SLC24A3: variants seen among roughly 807,000 people sequenced by gnomAD.
The protein encoded by SLC24A3 is sodium/potassium/calcium exchanger 3.
Under a neutral mutation model 75.8 loss-of-function variants are expected in SLC24A3, and 28 were observed. The ratio of observed to expected loss-of-function variants is 0.37; its 90% CI spans 0.27 to 0.51. SLC24A3 has a LOEUF of 0.51. Among genes scored for constraint, SLC24A3 ranks in the 20% least tolerant of loss-of-function variants. SLC24A3 has a pLI of 0.94. For synonymous variants in SLC24A3, 372 were observed against 334.1 expected (o/e 1.11, Z -1.24); for missense variants, 663 against 847.8 (o/e 0.78, Z 2.71).
At chr20:19,285,485 A>T (rs1983790634) in intron 2 of SLC24A3, among the ~76,000 whole-genome samples, 1 of 148,190 alleles carries the variant, frequency 6.7e-6, no homozygotes, top group African/African-American at 2.5e-5. Flanking sequence ...CTCAAAAAAA[A>T]AAAAAAAAAA....
At chr20:19,600,996 T>C (rs532086274) in intron 6 of SLC24A3, among the ~76,000 whole-genome samples, 20 of 152,316 alleles carry the variant, frequency 1.3e-4, no homozygotes, top group African/African-American at 4.8e-4. Flanking sequence ...GGAGGCTAAC[T>C]GCCCACATTC....
chr20:19,238,174 AC>A (rs200407361), intron 1 of SLC24A3, among the ~76,000 whole-genome samples: 1,564 of 152,030 alleles, frequency 0.01, 45 homozygotes, highest in African/African-American at 0.036. Flanking sequence ...CTTCCGAGTC[AC>A]CCCCCACAAG....
At chr20:19,525,478 G>A (rs755517693) in intron 3 of SLC24A3, among the ~76,000 whole-genome samples, 2 of 152,114 alleles carry the variant, frequency 1.3e-5, no homozygotes, top group Non-Finnish European at 2.9e-5. Flanking sequence ...GGAGAAGGAG[G>A]CTGGAGCTTC....
intron 2 of SLC24A3, among the ~76,000 whole-genome samples, chr20:19,451,560 T>C (rs772267342): frequency 6.6e-6 from 1 of 152,238 alleles, no homozygotes; most frequent in Non-Finnish European, 1.5e-5. Flanking sequence ...TTACTTGAAC[T>C]AGTCCTCTGT....
At chr20:19,678,687 A>ACGCTC in intron 9 of SLC24A3, among the ~76,000 whole-genome samples, 1 of 97,606 alleles carries the variant, frequency 1.0e-5, no homozygotes, top group South Asian at 2.8e-4. Flanking sequence ...CCGGGCGGAG[A>ACGCTC]CGCTCCTCAC....
chr20:19,593,797 C>T (rs1568666540), intron 6 of SLC24A3, among the ~76,000 whole-genome samples: 1 of 152,204 alleles, frequency 6.6e-6, no homozygotes, highest in East Asian at 1.9e-4. Context: ...CTCTTATCAC[C>T]ATGCAACCCA....
intron 3 of SLC24A3, among the ~76,000 whole-genome samples, chr20:19,544,828 A>G (rs1246700867): frequency 6.6e-6 from 1 of 152,168 alleles, no homozygotes; most frequent in Non-Finnish European, 1.5e-5. Flanking sequence ...ACAGGAACCC[A>G]AGGCAGTTTG....
intron 2 of SLC24A3, among the ~76,000 whole-genome samples, chr20:19,458,074 G>A (rs1033033384): frequency 6.6e-6 from 1 of 152,148 alleles, no homozygotes. Flanking sequence ...GGTTGGCAGG[G>A]CAGGGTGGGA....
chr20:19,685,908 C>T (rs1390334559), intron 12 of SLC24A3, among the ~76,000 whole-genome samples: 1 of 152,172 alleles, frequency 6.6e-6, no homozygotes, highest in African/African-American at 2.4e-5. Context: ...CCTCATTGTC[C>T]AGACACAATG....
intron 6 of SLC24A3, among the ~76,000 whole-genome samples, chr20:19,588,531 G>A (rs549237295): frequency 3.0e-4 from 45 of 152,298 alleles, no homozygotes; most frequent in Middle Eastern, 3.4e-3. Context: ...CCTCGCTTTG[G>A]TGTTCACCTA....
At chr20:19,301,849 A>G (rs559285971) in intron 2 of SLC24A3, among the ~76,000 whole-genome samples, 1 of 152,320 alleles carries the variant, frequency 6.6e-6, no homozygotes, top group African/African-American at 2.4e-5. Flanking sequence ...AGCTTGTGAA[A>G]AGATTGGACC....
intron 3 of SLC24A3, among the ~76,000 whole-genome samples, chr20:19,574,147 ATAGAAT>A (rs761562038): frequency 2.6e-5 from 4 of 152,254 alleles, no homozygotes; most frequent in Non-Finnish European, 5.9e-5. Context: ...GTGTCTCAGA[ATAGAAT>A]CATCATTTTC....
chr20:19,618,881 C>A (rs911418009), intron 6 of SLC24A3, among the ~76,000 whole-genome samples: 7 of 152,150 alleles, frequency 4.6e-5, no homozygotes, highest in African/African-American at 1.7e-4. Flanking sequence ...GTCCTCAGAT[C>A]CAGAAAGCTT....
chr20:19,587,761 C>G (rs2031319404), intron 6 of SLC24A3, among the ~76,000 whole-genome samples: 1 of 152,186 alleles, frequency 6.6e-6, no homozygotes, highest in Non-Finnish European at 1.5e-5. Flanking sequence ...CCTCATTTTT[C>G]TCATCTATAG....
intron 6 of SLC24A3, among the ~76,000 whole-genome samples, chr20:19,638,855 GC>G (rs2032031869): frequency 6.6e-6 from 1 of 152,134 alleles, no homozygotes; most frequent in Admixed American, 6.5e-5. Flanking sequence ...CTCCCAGTGG[GC>G]TCGTGGGCTT....
chr20:19,541,703 C>T (rs1026681644), intron 3 of SLC24A3, among the ~76,000 whole-genome samples: 4 of 152,224 alleles, frequency 2.6e-5, no homozygotes, highest in Admixed American at 6.5e-5. Context: ...AAAAATCCCA[C>T]CTGAGATTGT....
rs376782204 is a variant in SLC24A3 at position 19,542,693 on chromosome 20, A to G, written c.348+27129A>G. On this transcript the variant is annotated intron_variant, in intron 3 of 16. Coordinates refer to ENST00000328041, the MANE Select transcript of SLC24A3 (RefSeq NM_020689.4). Reference sequence around the variant, plus strand: ...CAGATTGAGGCTGTGCCTAAGGAAAAATGAAAGGAATGTACCCAAGAGATT... The same window carrying G: ...CAGATTGAGGCTGTGCCTAAGGAAAGATGAAAGGAATGTACCCAAGAGATT... Among the ~76,000 whole-genome samples the G allele has an allele frequency of 3.8e-4, 58 of 152,314 alleles. No individual in the cohort carries two copies. The South Asian group carries it at 0.011, about 30-fold the overall frequency.
intron 2 of SLC24A3, among the ~76,000 whole-genome samples, chr20:19,472,783 T>A (rs890150464): frequency 1.3e-5 from 2 of 152,100 alleles, no homozygotes; most frequent in African/African-American, 4.8e-5. Context: ...TGTGCTGTAG[T>A]GAGTGGGGTA....
intron 8 of SLC24A3, among the ~76,000 whole-genome samples, chr20:19,666,216 T>A (rs1047099645): frequency 6.6e-6 from 1 of 152,188 alleles, no homozygotes; most frequent in African/African-American, 2.4e-5. Context: ...AAGATTTGAC[T>A]GATTTTTGGG....
Sources: gnomAD v4.1 joint callset for allele counts (sites outside exome capture counted in the v4.1 genomes callset) on GRCh38, gnomAD v4.1.1 for gene constraint, MANE v1.5 for transcripts, NCBI Gene and HGNC (gene_info 2026-07-23, HGNC 2026-07-21) for gene names.